EPHB6: variants seen among roughly 807,000 people sequenced by gnomAD.
EPHB6 encodes the protein EPH receptor B6.
In EPHB6, 51 loss-of-function variants were observed where a neutral mutation model predicts 107.0. That is an observed-to-expected ratio of 0.48 (90% CI 0.38 to 0.60). The LOEUF (loss-of-function observed/expected upper bound fraction) is 0.60. Among genes scored for constraint, EPHB6 ranks in the 20% least tolerant of loss-of-function variants. The pLI is 0.00. For synonymous variants in EPHB6, 553 were observed against 549.0 expected (o/e 1.01, Z -0.10); for missense variants, 1,141 against 1,355.5 (o/e 0.84, Z 2.48).
chr7:142,866,922 A>G lies in EPHB6; in HGVS notation c.1604A>G (p.His535Arg). 1.2e-6 allele frequency: 2 copies of G among 1,611,944 alleles called. No homozygotes were observed. The highest frequency in any genetic ancestry group is 1.7e-6 in the Non-Finnish European group (2 of 1,179,280). ...RYYDQAEDES[H>R]SFTLTSETNT... The stretch of plus-strand genomic sequence containing the variant: ...TACCCCCAGGCAGAAGACGAATCCC[A>G]CTCCTTCACCCTGACCAGCGAGACC... The change falls in exon 11 of 20, where the codon CAC becomes CGC. Residue 535 changes from histidine to arginine, a missense_variant. By Grantham distance (29) the His-to-Arg change is conservative (BLOSUM62 0). Transcript: ENST00000652003. The surrounding 1 kb of genome is among the most constrained non-coding windows in gnomAD (Gnocchi z 5.2).
chr7:142,863,432 T>G, intron 5 of EPHB6, 105 bp downstream of exon 5: 1 of 1,275,610 alleles, frequency 7.8e-7, no homozygotes, highest in East Asian at 2.3e-5. Flanking sequence ...AAGACATCAA[T>G]AAAGGGAAAG....
At position 142,867,582 on chromosome 7, in the gene EPHB6, T is replaced by A. The variant is rs1387194785; in HGVS notation, c.1751-26T>A. ...GCACCTGTGAGAGACCTGGCCCACCTGTGACCCTGTCGGCTGGTCCCCCAG... is the reference window on the plus strand; with the variant it reads ...GCACCTGTGAGAGACCTGGCCCACCAGTGACCCTGTCGGCTGGTCCCCCAG... On this transcript the variant is annotated intron_variant, in intron 11 of 19. Transcript: ENST00000652003. This position sits in a 1 kb window ranked among gnomAD's most constrained non-coding sequence, Gnocchi z 5.3. 13 of 1,593,142 alleles carry A rather than the reference T, an allele frequency of 8.2e-6. No homozygotes were observed. The highest frequency in any genetic ancestry group is 1.1e-5 in the Non-Finnish European group (13 of 1,167,552).
rs541178137 is a variant in EPHB6 at position 142,863,227 on chromosome 7, C to T, written c.-1C>T. ...GATGGTGGACGCCCTGAAGATGTCC[C>T]ATGGCTACTGAAGGGGCTGCCCAGT... is the stretch of plus-strand genomic sequence containing the variant. On this transcript the variant is annotated 5_prime_UTR_variant, in exon 5 of 20. Transcript: ENST00000652003. 7.4e-6 allele frequency: 12 copies of T among 1,614,002 alleles called. No homozygotes were observed. In the East Asian group the frequency reaches 2.2e-4, roughly 30 times the overall value.
At chr7:142,870,130 A>T in intron 17 of EPHB6, 84 bp from the exon 18 acceptor site, 1 of 1,596,458 alleles carries the variant, frequency 6.3e-7, no homozygotes, top group Non-Finnish European at 8.6e-7. Context: ...GCTCCACCAG[A>T]TTCCAGCCCA....
intron 7 of EPHB6, among the ~76,000 whole-genome samples, 182 bp downstream of exon 7, chr7:142,864,931 C>T (rs1359563574): frequency 1.3e-5 from 2 of 152,232 alleles, no homozygotes; most frequent in African/African-American, 4.8e-5. Flanking sequence ...CTATCACCCA[C>T]TCATCTGAAA....
Position 142,870,918 on chromosome 7 carries a change from C to T in EPHB6, c.*14C>T, listed in dbSNP as rs373320809. The T allele has an allele frequency of 3.1e-4, 506 of 1,607,154 alleles. 2 individuals are homozygous for T. The highest frequency in any genetic ancestry group is 3.0e-3 in the South Asian group (272 of 90,840). ...GTGGAGGTCTGAGAATGACGATACC[C>T]GTGACTCAGCCCTGGACACTGGTCC... On this transcript the variant is annotated 3_prime_UTR_variant, in exon 20 of 20. Transcript: ENST00000652003.
rs1304049361 is a variant in EPHB6 at position 142,866,732 on chromosome 7, C to T, written c.1587+127C>T. The T allele has an allele frequency of 4.7e-5, 75 of 1,583,582 alleles. No homozygotes were observed. Among genetic ancestry groups the T allele is most frequent in the Admixed American group, 2.2e-4 (13 of 59,562 alleles). On this transcript the variant is annotated intron_variant, in intron 10 of 19. Transcript: ENST00000652003. The surrounding 1 kb of genome is among the most constrained non-coding windows in gnomAD (Gnocchi z 5.2). ...CCGCAACAGGGCTGGCAGGAGCTCA[C>T]AGTCCCCACAGTAGGGGCCAGAGGC...
chr7:142,864,492 A>C lies in EPHB6; in HGVS notation c.692A>C (p.Tyr231Ser), dbSNP rs780569137. The change falls in exon 7 of 20, where the codon TAC becomes TCC. Residue 231 changes from tyrosine to serine, a missense_variant. By Grantham distance (144) the Tyr-to-Ser change is moderately radical. Around this residue, in one of 3 missense-constraint regions of EPHB6, gnomAD observed 304 missense variants for 295.7 expected, o/e 1.03. Coordinates refer to ENST00000652003, the MANE Select transcript of EPHB6 (RefSeq NM_004445.6). ...CTGGTCGCTGTCAGGCTCTTCTCCT[A>C]CACCTGCCCTGCCGTGCTCCGATCC... Reference protein sequence around the residue: ...LALVAVRLFSYTCPAVLRSFA... With the variant: ...LALVAVRLFSSTCPAVLRSFA... The C allele has an allele frequency of 6.2e-7, 1 of 1,613,244 alleles. No individual in the cohort carries two copies. Among genetic ancestry groups the C allele is most frequent in the South Asian group, 1.1e-5 (1 of 91,074 alleles).
In EPHB6 at chr7:142,867,071, G is replaced by C. The variant is rs753935552; in HGVS notation, c.1750+3G>C. On this transcript the variant is annotated splice_donor_region_variant and intron_variant, in intron 11 of 19. Coordinates refer to ENST00000652003, the MANE Select transcript of EPHB6 (RefSeq NM_004445.6). The surrounding 1 kb of genome is among the most constrained non-coding windows in gnomAD (Gnocchi z 5.3). ...CTATTTCCAGACACTTCCTCAAGGTGAGCGGGGGTCAAGGGCCAGATGGGC... is the reference window on the plus strand; with the variant it reads ...CTATTTCCAGACACTTCCTCAAGGTCAGCGGGGGTCAAGGGCCAGATGGGC... 6.2e-7 allele frequency: 1 copy of C among 1,612,616 alleles called. No homozygotes were observed. Among genetic ancestry groups the C allele is most frequent in the South Asian group, 1.1e-5 (1 of 91,072 alleles).
chr7:142,865,171 A>G (rs1162060481), intron 7 of EPHB6, among the ~76,000 whole-genome samples: 2 of 152,200 alleles, frequency 1.3e-5, no homozygotes, highest in Non-Finnish European at 1.5e-5. Flanking sequence ...GAATGACTGC[A>G]GCAGCAGGCC....
At chr7:142,862,584 A>G (rs1318822368) in intron 3 of EPHB6, among the ~76,000 whole-genome samples, 172 bp from the exon 4 acceptor site, 3 of 152,062 alleles carry the variant, frequency 2.0e-5, no homozygotes, top group African/African-American at 7.2e-5. Flanking sequence ...CCCCACAGCC[A>G]TCTTCCTGTG....
In EPHB6 at chr7:142,865,948, C is replaced by G. The variant is rs1211321310; in HGVS notation, c.1106-12C>G. The G allele has an allele frequency of 6.2e-7, 1 of 1,613,402 alleles. No individual in the cohort carries two copies. Among genetic ancestry groups the G allele is most frequent in the Non-Finnish European group, 8.5e-7 (1 of 1,179,804 alleles). On this transcript the variant is annotated splice_polypyrimidine_tract_variant and intron_variant, in intron 8 of 19. Coordinates refer to ENST00000652003, the MANE Select transcript of EPHB6 (RefSeq NM_004445.6). ...CTTGGCCCTTGGACTGCCATATCCT[C>G]CGGCCCCCCAGGTCCTCCATCGGCT... is the stretch of plus-strand genomic sequence containing the variant.
chr7:142,866,304 A>G lies in EPHB6; in HGVS notation c.1450A>G (p.Thr484Ala). Residue 484 changes from threonine to alanine, a missense_variant, in exon 9 of 20, where the codon ACC becomes GCC. Physicochemically the swap from Thr to Ala is moderately conservative, Grantham distance 58. This residue lies in a region of EPHB6 where 616 missense variants were observed against 759.3 expected (regional missense o/e 0.81). Coordinates refer to ENST00000652003, the MANE Select transcript of EPHB6 (RefSeq NM_004445.6). The surrounding 1 kb of genome is among the most constrained non-coding windows in gnomAD (Gnocchi z 5.2). ...TCAGGCTGCAGCCATCAATGTCAGCACCAGCCATGAAGGTGAGCTCTTTTC... is the reference window on the plus strand; with the variant it reads ...TCAGGCTGCAGCCATCAATGTCAGCGCCAGCCATGAAGGTGAGCTCTTTTC... ...PPQAAAINVSTSHEVPSAVPV... is the reference protein window; with the variant it reads ...PPQAAAINVSASHEVPSAVPV... The G allele has an allele frequency of 6.2e-7, 1 of 1,612,892 alleles. No homozygotes were observed. The highest frequency in any genetic ancestry group is 8.5e-7 in the Non-Finnish European group (1 of 1,179,872).
Position 142,867,516 on chromosome 7 carries a change from G to T in EPHB6, c.1751-92G>T. ...TTTGGGGCATGCGCGTGCATGTTGT[G>T]TGTGCCTGTGGTGTGTGTGGGTGCC... On this transcript the variant is annotated intron_variant, in intron 11 of 19. Coordinates refer to ENST00000652003, the MANE Select transcript of EPHB6 (RefSeq NM_004445.6). The surrounding 1 kb of genome is among the most constrained non-coding windows in gnomAD (Gnocchi z 5.3). The T allele has an allele frequency of 9.4e-7, 1 of 1,061,274 alleles. No homozygotes were observed. The highest frequency in any genetic ancestry group is 2.5e-5 in the East Asian group (1 of 39,882). The allele number at this position is 1,061,274 out of a possible 1,614,324, so 65.7% of individuals were successfully genotyped here.
At position 142,869,230 on chromosome 7, in the gene EPHB6, T is replaced by C. The variant is rs1218179986; in HGVS notation, c.2460+83T>C. 6.6e-7 allele frequency: 1 copy of C among 1,508,388 alleles called. No individual in the cohort carries two copies. The highest frequency in any genetic ancestry group is 9.1e-7 in the Non-Finnish European group (1 of 1,099,256). 93.4% of individuals were successfully genotyped at this position (1,508,388 alleles called of 1,614,324 possible). A position where few individuals can be genotyped will look rare whatever the true frequency, so the allele number is the denominator to read the frequency against. On this transcript the variant is annotated intron_variant, in intron 16 of 19. Coordinates refer to ENST00000652003, the MANE Select transcript of EPHB6 (RefSeq NM_004445.6). This position sits in a 1 kb window ranked among gnomAD's most constrained non-coding sequence, Gnocchi z 4.5. ...CTGGGGTCGGGGGTGAGCTGGAATC[T>C]GGGGTAGGTACCTCAGCCGGGGTGT... is the stretch of plus-strand genomic sequence containing the variant.
rs1199078542 is a variant in EPHB6 at position 142,866,454 on chromosome 7, CATA to C, written c.1463-21_1463-19del. The C allele has an allele frequency of 9.9e-6, 16 of 1,613,900 alleles. No homozygotes were observed. The highest frequency in any genetic ancestry group is 1.6e-4 in the Middle Eastern group (1 of 6,062). Reference sequence around the variant, plus strand: ...TCCTGCTCCCAGGGACTCCTATCCCCATAATAATTTTCCTTTTGCACTCTAGTG... The same window carrying C: ...TCCTGCTCCCAGGGACTCCTATCCCCATAATTTTCCTTTTGCACTCTAGTG... On this transcript the variant is annotated intron_variant, in intron 9 of 19. Transcript: ENST00000652003. This position sits in a 1 kb window ranked among gnomAD's most constrained non-coding sequence, Gnocchi z 5.2.
rs1802941852 is a variant in EPHB6 at position 142,863,345 on chromosome 7, C to A, written c.100+18C>A. Reference sequence around the variant, plus strand: ...TCTGGAAGGTAAGAGGGAGGGGAGACAGGAGAACCCAGACCTGCCATAGAG... The same window carrying A: ...TCTGGAAGGTAAGAGGGAGGGGAGAAAGGAGAACCCAGACCTGCCATAGAG... On this transcript the variant is annotated intron_variant, in intron 5 of 19. Transcript: ENST00000652003. The A allele has an allele frequency of 3.1e-6, 5 of 1,608,744 alleles. No individual in the cohort carries two copies. Among genetic ancestry groups the A allele is most frequent in the Non-Finnish European group, 4.3e-6 (5 of 1,175,702 alleles).
intron 7 of EPHB6, 127 bp downstream of exon 7, chr7:142,864,876 G>A: frequency 8.4e-7 from 1 of 1,187,642 alleles, no homozygotes; most frequent in South Asian, 1.3e-5. Context: ...CTTAGGAAAG[G>A]ACCCTGATTT....
Position 142,870,862 on chromosome 7 carries a change from C to A in EPHB6, c.3027C>A (p.Leu1009=), listed in dbSNP as rs760509552. Residue 1009 remains leucine, a synonymous_variant, in exon 20 of 20, where the codon CTC becomes CTA. Coordinates refer to ENST00000652003, the MANE Select transcript of EPHB6 (RefSeq NM_004445.6). ...AGAAGCTGCTGCACCACATCCAGCT[C>A]CTTCAGCAACACCTGAGGCAGCAGG... ...HQKKLLHHIQ[L]LQQHLRQQGS... The A allele has an allele frequency of 6.2e-7, 1 of 1,614,098 alleles. No individual in the cohort carries two copies. Among genetic ancestry groups the A allele is most frequent in the Non-Finnish European group, 8.5e-7 (1 of 1,179,974 alleles).
Sources: gnomAD v4.1 joint callset for allele counts (sites outside exome capture counted in the v4.1 genomes callset) on GRCh38, gnomAD v4.1.1 for gene constraint, gnomAD v4.1.1 regional missense constraint, Gnocchi (gnomAD v3.1) non-coding constraint, MANE v1.5 for transcripts, NCBI Gene and HGNC (gene_info 2026-07-23, HGNC 2026-07-21) for gene names.